Variants in IKZF2 observed in about 807,000 individuals in gnomAD.
IKZF2 encodes the protein IKAROS family zinc finger 2, also known as zinc finger protein Helios.
In IKZF2, 15 loss-of-function variants were observed where a neutral mutation model predicts 49.2. That is an observed-to-expected ratio of 0.30 (90% confidence interval 0.20 to 0.47). The LOEUF is 0.47. Among genes scored for constraint, IKZF2 ranks in the 20% least tolerant of loss-of-function variants. IKZF2 has a pLI of 1.00. For missense variants in IKZF2, 567 were observed against 664.6 expected, an observed-to-expected ratio of 0.85 and a Z score of 1.61; for synonymous variants, 227 against 221.4, an observed-to-expected ratio of 1.03 and a Z score of -0.23.
At chr2:213,146,319 G>T (rs2061057126) in intron 4 of IKZF2, among the ~76,000 whole-genome samples, 1 of 151,912 alleles carries the variant, frequency 6.6e-6, no homozygotes, top group African/African-American at 2.4e-5. Context: ...AAACATGAAT[G>T]CAAAAGATTC....
At chr2:213,132,277 A>G (rs190196284) in intron 4 of IKZF2, among the ~76,000 whole-genome samples, 3 of 152,138 alleles carry the variant, frequency 2.0e-5, no homozygotes, top group Non-Finnish European at 4.4e-5. Context: ...TACTCAAGAA[A>G]TTAAGCAATG....
chr2:213,054,031 A>T (rs7560982), intron 5 of IKZF2, among the ~76,000 whole-genome samples: 80,133 of 151,634 alleles, frequency 0.53, 21,794 homozygotes, highest in East Asian at 0.76. Flanking sequence ...GGTGGGTGGA[A>T]CAACTGAGGT....
chr2:213,098,475 C>T (rs943479578), intron 4 of IKZF2, among the ~76,000 whole-genome samples: 4 of 152,188 alleles, frequency 2.6e-5, no homozygotes, highest in Admixed American at 6.5e-5. Flanking sequence ...ATCACCCTTA[C>T]TAATGCCATA....
intron 4 of IKZF2, among the ~76,000 whole-genome samples, chr2:213,102,972 T>C (rs185307105): frequency 6.6e-6 from 1 of 152,226 alleles, no homozygotes; most frequent in African/African-American, 2.4e-5. Flanking sequence ...TAAGATGGCA[T>C]GGACCCAAGG....
intron 4 of IKZF2, among the ~76,000 whole-genome samples, chr2:213,127,563 A>C: frequency 6.6e-6 from 1 of 152,310 alleles, no homozygotes; most frequent in Non-Finnish European, 1.5e-5. Flanking sequence ...TGTAATTGTC[A>C]TATTTTCCAG....
intron 4 of IKZF2, among the ~76,000 whole-genome samples, chr2:213,145,984 T>C (rs1423399395): frequency 6.6e-6 from 1 of 152,088 alleles, no homozygotes; most frequent in Non-Finnish European, 1.5e-5. Flanking sequence ...ACTGCCTTTC[T>C]GAAGCAAGTA....
At chr2:213,083,103 C>T (rs1194263470) in intron 4 of IKZF2, among the ~76,000 whole-genome samples, 1 of 152,118 alleles carries the variant, frequency 6.6e-6, no homozygotes, top group East Asian at 1.9e-4. Context: ...CTATTAAAAA[C>T]TATAGCCAGA....
chr2:213,008,120 A>T (rs1332869762), intron 8 of IKZF2, 36 bp from the exon 9 acceptor site: 1 of 1,512,114 alleles, frequency 6.6e-7, no homozygotes, highest in Non-Finnish European at 8.8e-7. Flanking sequence ...AGTAAAAAAA[A>T]AAAAAAAATA....
At chr2:213,091,487 T>C (rs1292241222) in intron 4 of IKZF2, among the ~76,000 whole-genome samples, 2 of 152,166 alleles carry the variant, frequency 1.3e-5, no homozygotes, top group African/African-American at 4.8e-5. Flanking sequence ...ATAGGGCTAT[T>C]TTCACAAGAT....
chr2:213,097,432 A>T (rs916223903), intron 4 of IKZF2, among the ~76,000 whole-genome samples: 1 of 151,982 alleles, frequency 6.6e-6, no homozygotes, highest in African/African-American at 2.4e-5. Flanking sequence ...TCTCTGGGCT[A>T]TTTTTTCCCC....
intron 4 of IKZF2, among the ~76,000 whole-genome samples, chr2:213,144,282 T>C (rs2060971250): frequency 6.6e-6 from 1 of 151,910 alleles, no homozygotes; most frequent in African/African-American, 2.4e-5. Flanking sequence ...TTTAAAGTAA[T>C]AGAAACAAAT....
intron 4 of IKZF2, among the ~76,000 whole-genome samples, chr2:213,140,927 T>G (rs1334059458): frequency 6.6e-6 from 1 of 152,036 alleles, no homozygotes; most frequent in Non-Finnish European, 1.5e-5. Flanking sequence ...TAATATTAGT[T>G]TTCACTAATT....
At chr2:213,038,854 G>A (rs899599343) in intron 6 of IKZF2, among the ~76,000 whole-genome samples, 1 of 152,086 alleles carries the variant, frequency 6.6e-6, no homozygotes, top group Non-Finnish European at 1.5e-5. Flanking sequence ...TCCTTAGTAA[G>A]AGACAACAAT....
At chr2:213,041,716 TA>T (rs1699674195) in intron 6 of IKZF2, among the ~76,000 whole-genome samples, 1 of 152,130 alleles carries the variant, frequency 6.6e-6, no homozygotes, top group Admixed American at 6.6e-5. Context: ...ACATTTCACA[TA>T]AAAAAAGTTA....
chr2:213,028,264 C>A (rs1048246060), intron 6 of IKZF2, among the ~76,000 whole-genome samples: 1 of 152,084 alleles, frequency 6.6e-6, no homozygotes, highest in Admixed American at 6.5e-5. Context: ...TATACTTAAA[C>A]CAACAGAGCA....
rs1226655078 is a variant in IKZF2 at position 213,007,691 on chromosome 2, T to G, written c.1250A>C (p.His417Pro). The G allele has an allele frequency of 6.2e-7, 1 of 1,613,718 alleles. No homozygotes were observed. Among genetic ancestry groups the G allele is most frequent in the South Asian group, 1.1e-5 (1 of 91,074 alleles). Residue 417 changes from histidine (H) to proline (P), a missense_variant, in exon 9 of 9, where the codon CAC becomes CCC. His to Pro is a moderately conservative substitution (Grantham distance 77). Transcript: ENST00000434687. ...STDSESSHDD[H>P]QSYQGHPALN... ...GGCAGGGTGTCCTTGGTAGGACTGG[T>G]GGTCATCATGGCTGCTTTCTGAGTC...
intron 4 of IKZF2, among the ~76,000 whole-genome samples, chr2:213,064,325 T>C (rs1701972612): frequency 6.6e-6 from 1 of 151,988 alleles, no homozygotes; most frequent in South Asian, 2.1e-4. Flanking sequence ...TAAAGATAAA[T>C]CACACCTGTG....
intron 8 of IKZF2, among the ~76,000 whole-genome samples, chr2:213,013,581 T>C (rs1428895867): frequency 6.6e-6 from 1 of 152,050 alleles, no homozygotes; most frequent in Non-Finnish European, 1.5e-5. Context: ...TGGTGACCAC[T>C]ATCAGTCTTT....
At chr2:213,102,917 C>T (rs2125712602) in intron 4 of IKZF2, among the ~76,000 whole-genome samples, 1 of 152,086 alleles carries the variant, frequency 6.6e-6, no homozygotes, top group South Asian at 2.1e-4. Context: ...TTCCTTTTTA[C>T]TCTCGAATAT....
Sources: allele counts gnomAD v4.1 joint callset (sites outside exome capture counted in the v4.1 genomes callset), GRCh38; gene constraint gnomAD v4.1.1; transcripts MANE v1.5; gene names NCBI Gene and HGNC (gene_info 2026-07-23, HGNC 2026-07-21).